Variants in TOX observed in about 807,000 individuals in gnomAD.
TOX encodes thymocyte selection-associated high mobility group box protein TOX.
TOX carries 11 observed loss-of-function variants against 53.7 expected under a neutral mutation model. That is an observed-to-expected ratio of 0.20 (90% CI 0.13 to 0.34). The LOEUF (loss-of-function observed/expected upper bound fraction) is 0.34. Ranked by LOEUF, TOX falls within the 10% of genes least tolerant of loss-of-function variation. TOX has a pLI of 1.00. For synonymous variants in TOX, 225 were observed against 245.3 expected (o/e 0.92, Z 0.77); for missense variants, 570 against 664.6 (o/e 0.86, Z 1.56).
At chr8:59,054,233 A>C (rs976013825) in intron 1 of TOX, among the ~76,000 whole-genome samples, 1 of 152,232 alleles carries the variant, frequency 6.6e-6, no homozygotes, top group Non-Finnish European at 1.5e-5. Flanking sequence ...AATTAACTCT[A>C]TTATAAACAG....
At chr8:58,991,988 C>A (rs1813460335) in intron 1 of TOX, 1 of 152,174 alleles carries the variant, frequency 6.6e-6, no homozygotes, top group Non-Finnish European at 1.5e-5. Flanking sequence ...ACGCCGGAGC[C>A]CTCGTTACAC....
At chr8:58,995,436 C>T (rs1267225268) in intron 1 of TOX, among the ~76,000 whole-genome samples, 2 of 152,176 alleles carry the variant, frequency 1.3e-5, no homozygotes, top group African/African-American at 2.4e-5. Context: ...AACTACAATG[C>T]CCTAAAAAGC....
chr8:58,895,775 C>T (rs1195923621), intron 3 of TOX, among the ~76,000 whole-genome samples: 1 of 152,200 alleles, frequency 6.6e-6, no homozygotes, highest in African/African-American at 2.4e-5. Flanking sequence ...TCTGGAAAGA[C>T]CACCAGAGAG....
chr8:58,809,895 G>A (rs1299523519), intron 7 of TOX, among the ~76,000 whole-genome samples: 3 of 152,126 alleles, frequency 2.0e-5, no homozygotes, highest in Admixed American at 6.5e-5. Flanking sequence ...AATAAATCAT[G>A]TTTTTCATAA....
chr8:58,832,858 G>T (rs1810485496), intron 5 of TOX, among the ~76,000 whole-genome samples: 1 of 152,076 alleles, frequency 6.6e-6, no homozygotes, highest in Non-Finnish European at 1.5e-5. Context: ...AAATAATGAG[G>T]TGTTGCTATT....
intron 1 of TOX, among the ~76,000 whole-genome samples, chr8:59,014,727 A>G (rs1043339447): frequency 8.5e-5 from 13 of 152,200 alleles, no homozygotes; most frequent in African/African-American, 3.1e-4. Flanking sequence ...TATTTTTAGC[A>G]TTTATTATTA....
chr8:58,924,716 T>C (rs1461587509), intron 3 of TOX, among the ~76,000 whole-genome samples: 1 of 152,256 alleles, frequency 6.6e-6, no homozygotes, highest in Non-Finnish European at 1.5e-5. Flanking sequence ...TTCAGAGTTA[T>C]GTGCATTTGT....
chr8:58,995,927 G>T (rs1304789501), intron 1 of TOX, among the ~76,000 whole-genome samples: 1 of 152,076 alleles, frequency 6.6e-6, no homozygotes, highest in African/African-American at 2.4e-5. Context: ...TTTTTCCTGG[G>T]GCTGGGAATC....
intron 3 of TOX, among the ~76,000 whole-genome samples, chr8:58,922,404 C>A (rs1812088906): frequency 6.6e-6 from 1 of 152,168 alleles, no homozygotes; most frequent in South Asian, 2.1e-4. Flanking sequence ...CATATGCATA[C>A]CTAACTCCTC....
rs1563358248 is a variant in TOX at position 58,808,104 on chromosome 8, G to A, written c.1544+14C>T. ...GCGCTGTCCACCACCAGGTGGCGAT[G>A]ACCGGCCGCTTACCCACTACTGCAG... On this transcript the variant is annotated intron_variant, in intron 8 of 8. Coordinates refer to ENST00000361421, the MANE Select transcript of TOX (RefSeq NM_014729.3). The A allele has an allele frequency of 1.2e-6, 2 of 1,604,614 alleles. No individual in the cohort carries two copies. Among genetic ancestry groups the A allele is most frequent in the Non-Finnish European group, 1.7e-6 (2 of 1,175,908 alleles).
intron 1 of TOX, among the ~76,000 whole-genome samples, chr8:59,035,451 T>C (rs965307998): frequency 1.3e-5 from 2 of 152,194 alleles, no homozygotes; most frequent in Non-Finnish European, 2.9e-5. Flanking sequence ...CACAGCTCAC[T>C]GCAGCCTCCA....
At chr8:59,026,379 G>C (rs1304635108) in intron 1 of TOX, among the ~76,000 whole-genome samples, 2 of 151,656 alleles carry the variant, frequency 1.3e-5, no homozygotes, top group East Asian at 3.9e-4. Flanking sequence ...AATGGAACTT[G>C]GTGGGCCATG....
intron 1 of TOX, among the ~76,000 whole-genome samples, chr8:59,043,802 G>A (rs149033441): frequency 2.6e-5 from 4 of 152,336 alleles, no homozygotes; most frequent in Admixed American, 6.5e-5. Flanking sequence ...AAAGGACTAC[G>A]TAGGCAGGAA....
chr8:58,937,249 T>C (rs562812231), intron 3 of TOX, among the ~76,000 whole-genome samples: 30 of 152,348 alleles, frequency 2.0e-4, no homozygotes, highest in African/African-American at 6.7e-4. Context: ...TCCTTTATCT[T>C]AGGCCAAATA....
At chr8:58,881,582 G>A (rs1585877562) in intron 3 of TOX, among the ~76,000 whole-genome samples, 2 of 151,966 alleles carry the variant, frequency 1.3e-5, no homozygotes, top group East Asian at 3.9e-4. Context: ...AAGTTAGTGG[G>A]GTGTGGTGGC....
intron 1 of TOX, among the ~76,000 whole-genome samples, chr8:59,058,563 C>G (rs911807062): frequency 3.3e-5 from 5 of 152,182 alleles, no homozygotes; most frequent in Admixed American, 3.3e-4. Context: ...GCCACATTCT[C>G]AGGATCATGT....
intron 1 of TOX, among the ~76,000 whole-genome samples, chr8:58,961,419 A>G (rs1345934917): frequency 6.6e-6 from 1 of 152,248 alleles, no homozygotes; most frequent in African/African-American, 2.4e-5. Flanking sequence ...CAAATAAAAA[A>G]TAGTACAAGT....
At chr8:58,915,838 A>G (rs1373194058) in intron 3 of TOX, among the ~76,000 whole-genome samples, 1 of 141,594 alleles carries the variant, frequency 7.1e-6, no homozygotes, top group South Asian at 2.4e-4. Flanking sequence ...TAGAATAACC[A>G]ATACAGAGAA....
chr8:59,090,062 C>T (rs1359318033), intron 1 of TOX, among the ~76,000 whole-genome samples: 1 of 152,166 alleles, frequency 6.6e-6, no homozygotes, highest in Non-Finnish European at 1.5e-5. Flanking sequence ...CATTTGTTTC[C>T]TAACTGTGTT....
Sources: allele counts gnomAD v4.1 joint callset (sites outside exome capture counted in the v4.1 genomes callset), GRCh38; gene constraint gnomAD v4.1.1; transcripts MANE v1.5; gene names NCBI Gene and HGNC (gene_info 2026-07-23, HGNC 2026-07-21).